Variants in IL15 observed in about 807,000 individuals in gnomAD.
IL15 encodes the protein interleukin 15, also known as interleukin-15.
In IL15, 11 loss-of-function variants were observed where a neutral mutation model predicts 19.6. That is an observed-to-expected ratio of 0.56 (90% confidence interval 0.35 to 0.93). IL15 has a LOEUF of 0.93. Among genes scored for constraint, IL15 ranks in the 40% least tolerant of loss-of-function variants. IL15 has a pLI of 0.01. For synonymous variants in IL15, 58 were observed against 59.6 expected (o/e 0.97, Z 0.12); for missense variants, 197 against 186.5 (o/e 1.06, Z -0.33).
intron 2 of IL15, among the ~76,000 whole-genome samples, chr4:141,684,986 GA>G (rs763873477): frequency 4.6e-5 from 7 of 151,606 alleles, no homozygotes; most frequent in Non-Finnish European, 7.4e-5. Flanking sequence ...AAGAGGTCAT[GA>G]AATAGTGTAA....
intron 2 of IL15, among the ~76,000 whole-genome samples, chr4:141,656,832 A>G (rs578135178): frequency 1.6e-4 from 25 of 152,248 alleles, no homozygotes; most frequent in African/African-American, 5.5e-4. Flanking sequence ...CTAATTTTTG[A>G]ATGAGTTTAT....
At chr4:141,693,016 C>CCAAAAAAAAAAA (rs1728968337) in intron 2 of IL15, among the ~76,000 whole-genome samples, 1 of 23,232 alleles carries the variant, frequency 4.3e-5, no homozygotes, top group Non-Finnish European at 7.7e-5. Context: ...GACTCCGTCT[C>CCAAAAAAAAAAA]AAAAAAAAAA....
At chr4:141,723,536 A>C (rs994661558) in intron 5 of IL15, among the ~76,000 whole-genome samples, 5 of 152,164 alleles carry the variant, frequency 3.3e-5, no homozygotes, top group Non-Finnish European at 7.3e-5. Flanking sequence ...GGCCCTACCA[A>C]CACCTTGACT....
intron 2 of IL15, among the ~76,000 whole-genome samples, chr4:141,695,775 T>C (rs924344028): frequency 1.5e-4 from 23 of 152,096 alleles, no homozygotes; most frequent in African/African-American, 5.3e-4. Flanking sequence ...CTTTTGCCCA[T>C]TTTTCAAGTT....
chr4:141,640,392 A>G (rs528149835), intron 1 of IL15, among the ~76,000 whole-genome samples: 3 of 152,120 alleles, frequency 2.0e-5, no homozygotes, highest in Admixed American at 6.5e-5. Flanking sequence ...ATTTATCTTG[A>G]TTCTAATGTT....
intron 2 of IL15, among the ~76,000 whole-genome samples, chr4:141,670,624 A>G (rs1358586341): frequency 6.6e-6 from 1 of 152,172 alleles, no homozygotes; most frequent in East Asian, 1.9e-4. Context: ...GATTTATAGA[A>G]ATATTCAATA....
At chr4:141,653,138 T>C (rs749831279) in intron 1 of IL15, among the ~76,000 whole-genome samples, 13 of 152,084 alleles carry the variant, frequency 8.5e-5, no homozygotes, top group Non-Finnish European at 8.8e-5. Flanking sequence ...CACTGGAAAA[T>C]TGTTTAGTAA....
intron 2 of IL15, among the ~76,000 whole-genome samples, chr4:141,712,637 TTAAA>T (rs1304166417): frequency 1.3e-5 from 2 of 148,262 alleles, no homozygotes; most frequent in African/African-American, 4.9e-5. Flanking sequence ...TAAATATTGT[TTAAA>T]TATATATTTC....
intron 6 of IL15, among the ~76,000 whole-genome samples, chr4:141,729,092 G>A (rs997618061): frequency 2.0e-5 from 3 of 152,104 alleles, no homozygotes; most frequent in Non-Finnish European, 2.9e-5. Flanking sequence ...AGCAGTGACT[G>A]TTGGGTTTAA....
chr4:141,732,682 A>G, intron 7 of IL15, 56 bp from the exon 8 acceptor site: 1 of 1,588,288 alleles, frequency 6.3e-7, no homozygotes, highest in East Asian at 2.3e-5. Context: ...ATTCCCATGA[A>G]TGTATATTTA....
At chr4:141,659,044 G>A (rs1165104876) in intron 2 of IL15, among the ~76,000 whole-genome samples, 2 of 152,004 alleles carry the variant, frequency 1.3e-5, no homozygotes, top group South Asian at 2.1e-4. Flanking sequence ...TGTATTTTTA[G>A]TAGAGACGGG....
At chr4:141,694,381 C>T (rs1339023683) in intron 2 of IL15, among the ~76,000 whole-genome samples, 1 of 152,138 alleles carries the variant, frequency 6.6e-6, no homozygotes, top group African/African-American at 2.4e-5. Context: ...TGAGCTTCAC[C>T]ATTCAATATA....
chr4:141,675,485 T>C (rs1051430134), intron 2 of IL15, among the ~76,000 whole-genome samples: 1 of 152,198 alleles, frequency 6.6e-6, no homozygotes, highest in Non-Finnish European at 1.5e-5. Flanking sequence ...AATCAACCTG[T>C]GTGAGCAGCT....
chr4:141,694,534 T>TGGTA (rs1420714838), intron 2 of IL15, among the ~76,000 whole-genome samples: 2 of 151,790 alleles, frequency 1.3e-5, no homozygotes, highest in Non-Finnish European at 2.9e-5. Context: ...GCAAGGGAGG[T>TGGTA]GGTACATGCT....
intron 2 of IL15, among the ~76,000 whole-genome samples, chr4:141,691,490 A>C (rs879635192): frequency 6.6e-6 from 1 of 152,206 alleles, no homozygotes; most frequent in Admixed American, 6.5e-5. Context: ...CCTTCTGCCT[A>C]TGAGCCTGTA....
intron 2 of IL15, among the ~76,000 whole-genome samples, chr4:141,677,028 A>G (rs986473214): frequency 6.6e-6 from 1 of 152,204 alleles, no homozygotes; most frequent in Non-Finnish European, 1.5e-5. Context: ...CATGTCATGG[A>G]CCCTTCTATG....
At chr4:141,714,519 T>G (rs1371861656) in intron 2 of IL15, 1 of 152,244 alleles carries the variant, frequency 6.6e-6, no homozygotes, top group Non-Finnish European at 1.5e-5. Context: ...CTTGCTACTT[T>G]CTTGTCAGCC....
intron 2 of IL15, among the ~76,000 whole-genome samples, chr4:141,677,639 G>A (rs945950007): frequency 6.6e-6 from 1 of 152,172 alleles, no homozygotes; most frequent in Non-Finnish European, 1.5e-5. Flanking sequence ...GAAGCTACCT[G>A]TGCTCCTTCT....
intron 1 of IL15, among the ~76,000 whole-genome samples, chr4:141,648,713 C>G (rs1487638848): frequency 6.6e-6 from 1 of 152,044 alleles, no homozygotes; most frequent in Non-Finnish European, 1.5e-5. Flanking sequence ...ACCTCTAAAA[C>G]TGGAAAGATG....
Sources: allele counts gnomAD v4.1 joint callset (sites outside exome capture counted in the v4.1 genomes callset), GRCh38; gene constraint gnomAD v4.1.1; transcripts MANE v1.5; gene names NCBI Gene and HGNC (gene_info 2026-07-23, HGNC 2026-07-21).